Variants in UNC13B observed in about 807,000 individuals in gnomAD.
UNC13B encodes protein unc-13 homolog B.
UNC13B carries 144 observed loss-of-function variants against 211.0 expected under a neutral mutation model. The ratio of observed to expected loss-of-function variants is 0.68; its 90% CI spans 0.60 to 0.78. The LOEUF is 0.78. Among genes scored for constraint, UNC13B ranks in the 30% least tolerant of loss-of-function variants. The probability of loss-of-function intolerance (pLI) is 0.00; values close to 1 mark genes in which losing one functional copy is unlikely to be tolerated. For synonymous variants in UNC13B, 709 were observed against 725.8 expected, an observed-to-expected ratio of 0.98 and a Z score of 0.37; for missense variants, 1,777 against 2,002.0, an observed-to-expected ratio of 0.89 and a Z score of 2.14.
Position 35,255,894 on chromosome 9 carries a change from T to C in UNC13B, c.469-3099T>C, listed in dbSNP as rs563559038. Among the ~76,000 whole-genome samples, 8 of 152,170 alleles carry C rather than the reference T, an allele frequency of 5.3e-5. No individual in the cohort carries two copies. The South Asian group carries it at 8.3e-4, about 16-fold the overall frequency. ...GCAAGAAGGGGGTCTTTTTGGAAAA[T>C]AGCTATTATCAATTTTGTTTCAGAG... On this transcript the variant is annotated intron_variant, in intron 6 of 39. Transcript: ENST00000635942.
intron 6 of UNC13B, among the ~76,000 whole-genome samples, chr9:35,252,586 C>T (rs1826564146): frequency 6.6e-6 from 1 of 151,646 alleles, no homozygotes; most frequent in South Asian, 2.1e-4. Context: ...GGATTTCAGG[C>T]GGAAGCCACT....
At chr9:35,168,624 A>G (rs1414911120) in intron 1 of UNC13B, among the ~76,000 whole-genome samples, 1 of 152,106 alleles carries the variant, frequency 6.6e-6, no homozygotes, top group African/African-American at 2.4e-5. Context: ...CTGCTCTTGT[A>G]AGTAAGTTTG....
chr9:35,317,574 AT>A (rs1830525411), intron 11 of UNC13B, among the ~76,000 whole-genome samples: 4 of 142,616 alleles, frequency 2.8e-5, no homozygotes, highest in Non-Finnish European at 6.0e-5. Flanking sequence ...CCAGGCTGGA[AT>A]GCAGTGGTAT....
chr9:35,222,424 T>C (rs1824612888), intron 1 of UNC13B, among the ~76,000 whole-genome samples: 1 of 152,204 alleles, frequency 6.6e-6, no homozygotes, highest in South Asian at 2.1e-4. Flanking sequence ...CTGTTGTACA[T>C]AGCATTTTTT....
chr9:35,256,610 T>A (rs79654765), intron 6 of UNC13B, among the ~76,000 whole-genome samples: 1,975 of 152,314 alleles, frequency 0.013, 47 homozygotes, highest in African/African-American at 0.045. Context: ...TCTTTTGATC[T>A]GTTTAATATG....
chr9:35,282,954 G>A (rs181205854), intron 7 of UNC13B, among the ~76,000 whole-genome samples: 1 of 152,260 alleles, frequency 6.6e-6, no homozygotes, highest in Admixed American at 6.5e-5. Flanking sequence ...GTTGCACATT[G>A]AAGATTGATG....
At chr9:35,369,721 A>G (rs771464503) in intron 12 of UNC13B, among the ~76,000 whole-genome samples, 1 of 152,014 alleles carries the variant, frequency 6.6e-6, no homozygotes, top group Non-Finnish European at 1.5e-5. Context: ...GAAGTCTCTC[A>G]TACCACCTCC....
At chr9:35,385,547 GT>G (rs1835132523) in intron 22 of UNC13B, 176 bp from the exon 23 acceptor site, 2 of 985,374 alleles carry the variant, frequency 2.0e-6, no homozygotes, top group Non-Finnish European at 2.4e-6. Context: ...GCAAGAGCCT[GT>G]TTGCATCAAT....
At position 35,374,675 on chromosome 9, in the gene UNC13B, G is replaced by T. The variant is rs75676493; in HGVS notation, c.9541-452G>T. Among the ~76,000 whole-genome samples the T allele has an allele frequency of 3.7e-3, 567 of 152,352 alleles. 3 individuals are homozygous for T. The highest frequency in any genetic ancestry group is 0.013 in the African/African-American group (546 of 41,586). On this transcript the variant is annotated intron_variant, in intron 13 of 39. Transcript: ENST00000635942. ...TCCAGGGATTATGTGGGCTTGGGGA[G>T]GTGCCAAGGTATAGAGGTTAGCATG... is the stretch of plus-strand genomic sequence containing the variant.
intron 7 of UNC13B, among the ~76,000 whole-genome samples, chr9:35,272,667 C>A (rs1013399136): frequency 6.6e-6 from 1 of 152,130 alleles, no homozygotes; most frequent in Non-Finnish European, 1.5e-5. Context: ...ATAACCCAAG[C>A]CTGACAATAC....
intron 7 of UNC13B, among the ~76,000 whole-genome samples, chr9:35,273,812 G>A (rs1206358626): frequency 6.6e-6 from 1 of 152,186 alleles, no homozygotes; most frequent in Non-Finnish European, 1.5e-5. Flanking sequence ...TGTGTTGGCC[G>A]CCTCTCAATG....
At chr9:35,342,090 GTCA>G in intron 11 of UNC13B, 1 of 985,420 alleles carries the variant, frequency 1.0e-6, no homozygotes, top group South Asian at 4.7e-5. Context: ...CATTGTTTCT[GTCA>G]TCAACTTTGT....
At chr9:35,224,314 A>T (rs73499303) in intron 1 of UNC13B, among the ~76,000 whole-genome samples, 3,788 of 152,144 alleles carry the variant, frequency 0.025, 171 homozygotes, top group African/African-American at 0.086. Context: ...GTTCTCTTCA[A>T]TTTCTCTCAT....
intron 7 of UNC13B, among the ~76,000 whole-genome samples, chr9:35,262,245 TTTCCTTTCCC>T (rs1827319429): frequency 6.6e-6 from 1 of 151,998 alleles, no homozygotes; most frequent in Admixed American, 6.6e-5. Flanking sequence ...TCCTTCCTTC[TTTCCTTTCCC>T]TTCCTTTCCT....
rs1190813574 is a variant in UNC13B, at chr9:35,166,277, G to A, written c.22+3972G>A. Reference sequence around the variant, plus strand: ...CTCACCTGTAATCCTAGCTACTTGGGAGGCTGAGGCATGAGAATTGCTTGA... The same window carrying A: ...CTCACCTGTAATCCTAGCTACTTGGAAGGCTGAGGCATGAGAATTGCTTGA... On this transcript the variant is annotated intron_variant, in intron 1 of 39. Transcript: ENST00000635942. Among the ~76,000 whole-genome samples, 5 of 152,164 alleles carry A rather than the reference G, an allele frequency of 3.3e-5. No individual in the cohort carries two copies. In the South Asian group the frequency reaches 8.3e-4, roughly 25 times the overall value.
intron 7 of UNC13B, among the ~76,000 whole-genome samples, chr9:35,271,841 A>G (rs2131681709): frequency 6.6e-6 from 1 of 152,308 alleles, no homozygotes; most frequent in South Asian, 2.1e-4. Flanking sequence ...TGAGATGACT[A>G]CTTACATCAA....
chr9:35,194,150 C>G (rs145767340), intron 1 of UNC13B, among the ~76,000 whole-genome samples: 4 of 152,130 alleles, frequency 2.6e-5, no homozygotes, highest in Admixed American at 6.5e-5. Flanking sequence ...TGCTCACTGT[C>G]GGGGGGAGCC....
chr9:35,377,649 T>G lies in UNC13B; in HGVS notation c.10017T>G (p.Ser3339Arg), dbSNP rs754519763. ...AGCAGATGAAAACAGTGAAGCAGAGTGTACTGGATGGCACCTCCAAATGGT... is the reference window on the plus strand; with the variant it reads ...AGCAGATGAAAACAGTGAAGCAGAGGGTACTGGATGGCACCTCCAAATGGT... ...HVQQMKTVKQ[S>R]VLDGTSKWSA... The change falls in exon 16 of 40, where the codon AGT becomes AGG. Residue 3339 changes from serine (S) to arginine (R), a missense_variant. Physicochemically the swap from Ser to Arg is moderately radical, Grantham distance 110 (BLOSUM62 -1). Coordinates refer to ENST00000635942, the MANE Select transcript of UNC13B (RefSeq NM_001371189.2). 5.5e-5 allele frequency: 89 copies of G among 1,613,786 alleles called. No individual in the cohort carries two copies. The highest frequency in any genetic ancestry group is 1.1e-4 in the African/African-American group (8 of 74,930).
At chr9:35,367,068 G>GCTTCC in intron 12 of UNC13B, 75 bp downstream of exon 12, 5 of 1,427,818 alleles carry the variant, frequency 3.5e-6, no homozygotes, top group African/African-American at 1.4e-5. Context: ...CCCCTGGGAA[G>GCTTCC]CAGGGGAACC....
Sources: gnomAD v4.1 joint callset for allele counts (sites outside exome capture counted in the v4.1 genomes callset) on GRCh38, gnomAD v4.1.1 for gene constraint, MANE v1.5 for transcripts, NCBI Gene and HGNC (gene_info 2026-07-23, HGNC 2026-07-21) for gene names.